The following PTPRM variants were observed in gnomAD, a reference collection of about 807,000 sequenced individuals.
PTPRM encodes the protein receptor-type tyrosine-protein phosphatase mu.
A neutral mutation model predicts 186.7 loss-of-function variants in PTPRM; 47 were observed. The observed-to-expected ratio is 0.25, with a 90% CI of 0.20 to 0.32. The LOEUF (loss-of-function observed/expected upper bound fraction) is 0.32. Among genes scored for constraint, PTPRM ranks in the 10% least tolerant of loss-of-function variants. The pLI, the probability that PTPRM is intolerant of heterozygous loss-of-function variation, is 1.00. For synonymous variants in PTPRM, 668 were observed against 674.9 expected, an observed-to-expected ratio of 0.99 and a Z score of 0.16; for missense variants, 1,494 against 1,865.0, an observed-to-expected ratio of 0.80 and a Z score of 3.66.
intron 7 of PTPRM, among the ~76,000 whole-genome samples, chr18:8,046,701 C>T (rs994603556): frequency 1.3e-5 from 2 of 152,174 alleles, no homozygotes; most frequent in Admixed American, 6.5e-5. Context: ...CCTGCCTTCC[C>T]CTTCCTCACA....
intron 1 of PTPRM, among the ~76,000 whole-genome samples, chr18:7,734,871 C>G (rs1448048002): frequency 2.0e-5 from 3 of 152,164 alleles, no homozygotes; most frequent in African/African-American, 7.2e-5. Flanking sequence ...GCTTGAGCTC[C>G]TCTCTTAGTT....
chr18:8,070,044 ACAACT>A, intron 8 of PTPRM, 50 bp downstream of exon 8: 1 of 1,515,374 alleles, frequency 6.6e-7, no homozygotes, highest in Non-Finnish European at 9.0e-7. Context: ...CTTTCAAAAA[ACAACT>A]TTTGTTTCGA....
chr18:8,030,233 T>C (rs2085875410), intron 7 of PTPRM, among the ~76,000 whole-genome samples: 1 of 152,240 alleles, frequency 6.6e-6, no homozygotes, highest in Admixed American at 6.5e-5. Context: ...GAAGACACTT[T>C]TTGAGCATAA....
intron 20 of PTPRM, among the ~76,000 whole-genome samples, chr18:8,310,629 G>A (rs985205777): frequency 1.3e-5 from 2 of 151,914 alleles, no homozygotes; most frequent in East Asian, 1.9e-4. Flanking sequence ...GCTCTTCAGA[G>A]TAGGTCAGGA....
intron 19 of PTPRM, among the ~76,000 whole-genome samples, chr18:8,282,653 AC>A: frequency 6.6e-6 from 1 of 152,226 alleles, no homozygotes; most frequent in African/African-American, 2.4e-5. Context: ...CAAGAGCTAA[AC>A]CCTGTCGCAA....
intron 2 of PTPRM, among the ~76,000 whole-genome samples, chr18:7,879,619 G>A (rs1035301575): frequency 6.6e-6 from 1 of 152,144 alleles, no homozygotes; most frequent in Non-Finnish European, 1.5e-5. Context: ...CAGTTGTGCT[G>A]TGAATCACTA....
chr18:7,761,652 C>T (rs1288803212), intron 1 of PTPRM, among the ~76,000 whole-genome samples: 2 of 152,176 alleles, frequency 1.3e-5, no homozygotes, highest in Non-Finnish European at 2.9e-5. Flanking sequence ...GCTCTTACAG[C>T]ATTTTTCATA....
At chr18:7,999,533 A>G (rs1379833034) in intron 7 of PTPRM, among the ~76,000 whole-genome samples, 1 of 151,908 alleles carries the variant, frequency 6.6e-6, no homozygotes, top group Non-Finnish European at 1.5e-5. Flanking sequence ...GGCAAGTGGG[A>G]TGGGATGCTA....
intron 21 of PTPRM, 94 bp downstream of exon 21, chr18:8,314,951 A>G (rs2148032254): frequency 2.6e-6 from 2 of 766,172 alleles, no homozygotes; most frequent in South Asian, 3.7e-5. Context: ...ATGCATAATG[A>G]TTAAATCAGA....
intron 14 of PTPRM, among the ~76,000 whole-genome samples, chr18:8,228,018 A>G (rs1601345735): frequency 2.0e-5 from 3 of 152,360 alleles, no homozygotes; most frequent in Admixed American, 1.3e-4. Context: ...TACTACATCT[A>G]TTATTTTTAT....
At chr18:8,384,780 TC>T in intron 30 of PTPRM, 94 bp downstream of exon 30, 1 of 1,518,954 alleles carries the variant, frequency 6.6e-7, no homozygotes, top group South Asian at 1.2e-5. Flanking sequence ...CAGTCACTGT[TC>T]CAGGAGTTTG....
chr18:8,299,834 C>T (rs189810692), intron 20 of PTPRM, among the ~76,000 whole-genome samples: 1 of 152,242 alleles, frequency 6.6e-6, no homozygotes, highest in African/African-American at 2.4e-5. Flanking sequence ...TTCTGAAAGC[C>T]AGACAGTGGG....
intron 3 of PTPRM, among the ~76,000 whole-genome samples, chr18:7,895,874 G>T (rs1034314811): frequency 1.3e-5 from 2 of 152,158 alleles, no homozygotes; most frequent in East Asian, 3.9e-4. Context: ...GACATTGTTA[G>T]ACATTTATAG....
chr18:7,861,159 T>G (rs2047360076), intron 2 of PTPRM, among the ~76,000 whole-genome samples: 1 of 152,236 alleles, frequency 6.6e-6, no homozygotes, highest in Admixed American at 6.5e-5. Context: ...CTCTTCGCTC[T>G]GTTTCTAGAC....
rs529415469 is a variant in PTPRM at position 7,806,160 on chromosome 18, C to T, written c.196+31889C>T. ...AGTGGAAACTGGGCCCTAGCTTTCCCTTTTCTGTTTGATGAGCCAAATTTT... is the reference window on the plus strand; with the variant it reads ...AGTGGAAACTGGGCCCTAGCTTTCCTTTTTCTGTTTGATGAGCCAAATTTT... On this transcript the variant is annotated intron_variant, in intron 2 of 32. Coordinates refer to ENST00000580170, the MANE Select transcript of PTPRM (RefSeq NM_001105244.2). Among the ~76,000 whole-genome samples, 8 of 152,236 alleles carry T rather than the reference C, an allele frequency of 5.3e-5. No homozygotes were observed. The South Asian group carries it at 1.7e-3, about 32-fold the overall frequency.
intron 1 of PTPRM, among the ~76,000 whole-genome samples, chr18:7,674,927 C>G (rs561553375): frequency 1.3e-5 from 2 of 152,304 alleles, no homozygotes; most frequent in African/African-American, 4.8e-5. Context: ...GTGTTTCAAA[C>G]GCATCAGTAG....
At chr18:8,280,164 A>G (rs966911200) in intron 19 of PTPRM, among the ~76,000 whole-genome samples, 10 of 152,066 alleles carry the variant, frequency 6.6e-5, no homozygotes, top group Non-Finnish European at 4.4e-5. Flanking sequence ...AGGTGCCGGC[A>G]TGGTTGGCGT....
At chr18:8,182,946 T>C (rs2093596253) in intron 14 of PTPRM, among the ~76,000 whole-genome samples, 1 of 152,214 alleles carries the variant, frequency 6.6e-6, no homozygotes, top group African/African-American at 2.4e-5. Context: ...CAGTGCTCTA[T>C]GTGCGTTTCA....
intron 23 of PTPRM, among the ~76,000 whole-genome samples, chr18:8,354,765 A>T (rs2095554917): frequency 6.6e-6 from 1 of 152,186 alleles, no homozygotes; most frequent in Non-Finnish European, 1.5e-5. Context: ...GTACGTACCA[A>T]GTTCCCATGG....
Sources: gnomAD v4.1 joint callset for allele counts (sites outside exome capture counted in the v4.1 genomes callset) on GRCh38, gnomAD v4.1.1 for gene constraint, MANE v1.5 for transcripts, NCBI Gene and HGNC (gene_info 2026-07-23, HGNC 2026-07-21) for gene names.